TNFRSF19: variants seen among roughly 807,000 people sequenced by gnomAD.
The protein encoded by TNFRSF19 is tumor necrosis factor receptor superfamily member 19.
Under a neutral mutation model 46.4 loss-of-function variants are expected in TNFRSF19, and 27 were observed. That is an observed-to-expected ratio of 0.58 (90% CI 0.43 to 0.80). The LOEUF is 0.80. Ranked by LOEUF, TNFRSF19 falls within the 30% of genes least tolerant of loss-of-function variation. The pLI, the probability that TNFRSF19 is intolerant of heterozygous loss-of-function variation, is 0.00. For missense variants in TNFRSF19, 511 were observed against 530.8 expected, an observed-to-expected ratio of 0.96 and a Z score of 0.37; for synonymous variants, 204 against 205.0, an observed-to-expected ratio of 1.00 and a Z score of 0.04.
intron 5 of TNFRSF19, among the ~76,000 whole-genome samples, chr13:23,647,835 C>G (rs1470692414): frequency 6.6e-6 from 1 of 152,110 alleles, no homozygotes; most frequent in Non-Finnish European, 1.5e-5. Flanking sequence ...TTTGAAGAGG[C>G]TTCCCTTTCC....
chr13:23,653,027 G>A (rs533525268), intron 5 of TNFRSF19, among the ~76,000 whole-genome samples: 3 of 152,290 alleles, frequency 2.0e-5, no homozygotes, highest in East Asian at 1.9e-4. Context: ...TCTCTGTCTC[G>A]TATTTAGCAG....
intron 5 of TNFRSF19, among the ~76,000 whole-genome samples, chr13:23,631,308 T>G (rs1020253835): frequency 6.6e-6 from 1 of 152,238 alleles, no homozygotes; most frequent in Non-Finnish European, 1.5e-5. Context: ...CTAAGGGTTT[T>G]CTTTTCAGTC....
chr13:23,578,000 GGGGGACTGCGT>G (rs1878081278), intron 1 of TNFRSF19, among the ~76,000 whole-genome samples: 1 of 152,166 alleles, frequency 6.6e-6, no homozygotes, highest in Non-Finnish European at 1.5e-5. Context: ...AGAGGACGAT[GGGGGACTGCGT>G]GAGACCTTGC....
chr13:23,654,033 T>G (rs1051088948), intron 5 of TNFRSF19, among the ~76,000 whole-genome samples: 3 of 152,074 alleles, frequency 2.0e-5, no homozygotes, highest in Admixed American at 2.0e-4. Flanking sequence ...GAAACTGAGA[T>G]TAAGAGCTGT....
At chr13:23,667,453 C>T (rs555609679) in intron 7 of TNFRSF19, among the ~76,000 whole-genome samples, 1 of 152,290 alleles carries the variant, frequency 6.6e-6, no homozygotes, top group Non-Finnish European at 1.5e-5. Flanking sequence ...GGAGGCCACT[C>T]AGCGGGAAAG....
chr13:23,653,676 G>C (rs1424163094), intron 5 of TNFRSF19, among the ~76,000 whole-genome samples: 1 of 152,140 alleles, frequency 6.6e-6, no homozygotes, highest in Non-Finnish European at 1.5e-5. Flanking sequence ...GTAGTTGGGG[G>C]CACGTGCTTT....
chr13:23,629,208 C>T (rs1193169531), intron 5 of TNFRSF19, among the ~76,000 whole-genome samples: 1 of 151,964 alleles, frequency 6.6e-6, no homozygotes, highest in Non-Finnish European at 1.5e-5. Context: ...CTCAAGCTAA[C>T]TTAAGGAGTG....
intron 9 of TNFRSF19, among the ~76,000 whole-genome samples, chr13:23,672,489 G>A (rs1267309153): frequency 6.6e-6 from 1 of 151,986 alleles, no homozygotes; most frequent in Non-Finnish European, 1.5e-5. Flanking sequence ...TTTCCTTATT[G>A]GCAAAATGAG....
chr13:23,670,087 A>G (rs962835705), intron 9 of TNFRSF19, among the ~76,000 whole-genome samples: 4 of 152,196 alleles, frequency 2.6e-5, no homozygotes, highest in Non-Finnish European at 4.4e-5. Context: ...TCCTGGCCTG[A>G]TTATATCAGA....
At chr13:23,668,670 G>A (rs752181636) in intron 8 of TNFRSF19, 22 bp from the exon 9 acceptor site, 3 of 1,589,480 alleles carry the variant, frequency 1.9e-6, no homozygotes, top group Non-Finnish European at 2.6e-6. Context: ...AAAACTTTAA[G>A]TTCTTTTGAA....
intron 3 of TNFRSF19, among the ~76,000 whole-genome samples, chr13:23,611,091 C>T (rs547883811): frequency 1.3e-5 from 2 of 150,954 alleles, no homozygotes; most frequent in Non-Finnish European, 2.9e-5. Flanking sequence ...CTATACCCTC[C>T]TTGCCCTCCC....
intron 5 of TNFRSF19, among the ~76,000 whole-genome samples, chr13:23,654,630 A>G (rs1156954646): frequency 6.6e-6 from 1 of 152,170 alleles, no homozygotes; most frequent in African/African-American, 2.4e-5. Context: ...ATAAACAAAC[A>G]TGAGCTGTAC....
intron 3 of TNFRSF19, among the ~76,000 whole-genome samples, chr13:23,597,739 TC>T (rs1879842495): frequency 6.6e-6 from 1 of 152,186 alleles, no homozygotes; most frequent in African/African-American, 2.4e-5. Context: ...CCTCTCTAAC[TC>T]ATTTTATGAG....
chr13:23,637,977 T>C (rs895299496), intron 5 of TNFRSF19, among the ~76,000 whole-genome samples: 1 of 152,270 alleles, frequency 6.6e-6, no homozygotes, highest in African/African-American at 2.4e-5. Flanking sequence ...GAGGCCCAAG[T>C]TTCTGGTCTC....
At chr13:23,663,849 G>A (rs1951571539) in intron 7 of TNFRSF19, among the ~76,000 whole-genome samples, 1 of 151,958 alleles carries the variant, frequency 6.6e-6, no homozygotes, top group South Asian at 2.1e-4. Context: ...TGGGGTCAGT[G>A]GTAACATCCC....
intron 3 of TNFRSF19, among the ~76,000 whole-genome samples, chr13:23,612,462 A>C (rs1880973011): frequency 6.6e-6 from 1 of 152,214 alleles, no homozygotes. Flanking sequence ...CAGTCAACTC[A>C]AAAAGCAGTT....
intron 5 of TNFRSF19, among the ~76,000 whole-genome samples, chr13:23,644,716 A>G (rs1430648548): frequency 2.0e-5 from 3 of 152,210 alleles, no homozygotes; most frequent in Non-Finnish European, 4.4e-5. Context: ...TTTTGCTTCT[A>G]CTTTGTGCAG....
rs1346317706 is a variant in TNFRSF19 at position 23,669,064 on chromosome 13, T to C, written c.1212T>C (p.Ala404=). The change falls in exon 9 of 10, where the codon GCT becomes GCC. Residue 404 remains alanine, a synonymous_variant. Transcript: ENST00000248484. ...GCCAGCTAGATCAGGAGAGTGGTGC[T>C]GTCATCCACCCAGCCACTCAGACGT... is the stretch of plus-strand genomic sequence containing the variant. ...MRSQLDQESG[A]VIHPATQTSL... is the part of the protein sequence containing the mutation. 5.0e-6 allele frequency: 8 copies of C among 1,614,152 alleles called. No homozygotes were observed. Among genetic ancestry groups the C allele is most frequent in the Non-Finnish European group, 5.9e-6 (7 of 1,180,028 alleles).
chr13:23,632,967 G>A (rs1294363142), intron 5 of TNFRSF19, among the ~76,000 whole-genome samples: 2 of 152,176 alleles, frequency 1.3e-5, no homozygotes, highest in South Asian at 2.1e-4. Flanking sequence ...GCCTTTTAGT[G>A]TGGAGCAAAC....
Sources: allele counts gnomAD v4.1 joint callset (sites outside exome capture counted in the v4.1 genomes callset), GRCh38; gene constraint gnomAD v4.1.1; transcripts MANE v1.5; gene names NCBI Gene and HGNC (gene_info 2026-07-23, HGNC 2026-07-21).